Variants in ATRX observed in about 807,000 individuals in gnomAD.
ATRX encodes the protein ATRX chromatin remodeler.
A neutral mutation model predicts 172.6 loss-of-function variants in ATRX; 12 were observed. The observed-to-expected ratio is 0.07, with a 90% CI of 0.04 to 0.11. ATRX has a LOEUF of 0.11. ATRX is among the 10% of genes least tolerant of loss of function. The pLI, the probability that ATRX is intolerant of heterozygous loss-of-function variation, is 1.00. For missense variants in ATRX, 1,368 were observed against 1,767.4 expected, an observed-to-expected ratio of 0.77 and a Z score of 4.05; for synonymous variants, 674 against 594.7, an observed-to-expected ratio of 1.13 and a Z score of -1.94.
At chrX:77,726,923 GT>G (rs1197693729) in intron 1 of ATRX, among the ~76,000 whole-genome samples, 2 of 109,459 alleles carry the variant, frequency 1.8e-5, no homozygotes, top group South Asian at 3.8e-4. Context: ...AAAAAATAGT[GT>G]TTTTTTATCC....
chrX:77,513,261 G>A (rs1246543311), intron 34 of ATRX, among the ~76,000 whole-genome samples: 2 of 95,807 alleles, frequency 2.1e-5, no homozygotes, highest in East Asian at 7.2e-4. Context: ...AGCTTGCAGT[G>A]AGCTGAGATT....
chrX:77,733,585 G>A (rs782661254), intron 1 of ATRX, among the ~76,000 whole-genome samples: 153 of 109,224 alleles, frequency 1.4e-3, no homozygotes, highest in Non-Finnish European at 2.4e-3. Flanking sequence ...ACATGATGCT[G>A]GGGCCAGGCA....
rs782779044 is a variant in ATRX, at chrX:77,766,109, A to C, written c.20+19873T>G. Among the ~76,000 whole-genome samples, 8 of 112,437 alleles carry C rather than the reference A, an allele frequency of 7.1e-5. No homozygotes were observed. In the South Asian group the frequency reaches 2.9e-3, roughly 41 times the overall value. On this transcript the variant is annotated intron_variant, in intron 1 of 34. Coordinates refer to ENST00000373344, the MANE Select transcript of ATRX (RefSeq NM_000489.6). ...TACCTCTTTCTACACAGACACGGCA[A>C]CCATCCGATTTCTCAATCTTTTCCC...
chrX:77,720,694 G>A lies in ATRX; in HGVS notation c.21-3451C>T, dbSNP rs186731455. Among the ~76,000 whole-genome samples the A allele has an allele frequency of 9.0e-5, 10 of 111,533 alleles. No individual in the cohort carries two copies. The South Asian group carries it at 3.3e-3, about 37-fold the overall frequency. On this transcript the variant is annotated intron_variant, in intron 1 of 34. Coordinates refer to ENST00000373344, the MANE Select transcript of ATRX (RefSeq NM_000489.6). ...TTGAGGCAGTAACTAATAGCCTACC[G>A]ATCAAAATAAGTCCAGGACCAGACA...
chrX:77,564,247 A>T (rs2065119560), intron 28 of ATRX, among the ~76,000 whole-genome samples: 1 of 111,889 alleles, frequency 8.9e-6, no homozygotes, highest in African/African-American at 3.3e-5. Context: ...ATTTTAATGA[A>T]GCCCAAATTA....
chrX:77,528,122 C>T (rs1449070383), intron 30 of ATRX, among the ~76,000 whole-genome samples: 1 of 109,967 alleles, frequency 9.1e-6, no homozygotes, highest in African/African-American at 3.3e-5. Flanking sequence ...AGAGTGCAGA[C>T]CACCCAGACA....
chrX:77,523,122 G>A, intron 31 of ATRX, 130 bp downstream of exon 31: 1 of 877,072 alleles, frequency 1.1e-6, no homozygotes. Context: ...AGAGATTCTT[G>A]TAATTGGGGA....
At chrX:77,645,392 G>T (rs1272714707) in intron 15 of ATRX, among the ~76,000 whole-genome samples, 1 of 111,458 alleles carries the variant, frequency 9.0e-6, no homozygotes, top group Non-Finnish European at 1.9e-5. Flanking sequence ...TCCCGCCTCG[G>T]TCTCCCAAAG....
intron 7 of ATRX, among the ~76,000 whole-genome samples, chrX:77,685,754 C>T: frequency 9.0e-6 from 1 of 111,578 alleles, no homozygotes; most frequent in Non-Finnish European, 1.9e-5. Context: ...GATTGTTGGG[C>T]CACTGTTTAC....
At chrX:77,691,444 G>C (rs906536464) in intron 6 of ATRX, among the ~76,000 whole-genome samples, 2 of 111,532 alleles carry the variant, frequency 1.8e-5, no homozygotes, top group African/African-American at 6.5e-5. Flanking sequence ...GAGCTCAATA[G>C]ATTTTAATGG....
chrX:77,762,068 C>T (rs1412275212), intron 1 of ATRX, among the ~76,000 whole-genome samples: 3 of 109,621 alleles, frequency 2.7e-5, no homozygotes, highest in African/African-American at 1.0e-4. Flanking sequence ...TTTGGGAGGC[C>T]GAGGCGGGCA....
At chrX:77,721,661 G>C (rs781966906) in intron 1 of ATRX, among the ~76,000 whole-genome samples, 2 of 111,593 alleles carry the variant, frequency 1.8e-5, no homozygotes, top group African/African-American at 3.3e-5. Context: ...ACTGCTCAAG[G>C]AAATAAGAGA....
intron 6 of ATRX, among the ~76,000 whole-genome samples, chrX:77,691,696 A>G (rs1168307847): frequency 9.0e-6 from 1 of 111,166 alleles, no homozygotes; most frequent in Non-Finnish European, 1.9e-5. Flanking sequence ...GTAATACAAG[A>G]AAGTTTACAT....
At position 77,747,380 on chromosome X, in the gene ATRX, C is replaced by T. The variant is rs782285302; in HGVS notation, c.21-30137G>A. Among the ~76,000 whole-genome samples the T allele has an allele frequency of 3.7e-4, 41 of 109,669 alleles. No individual in the cohort carries two copies. The South Asian group carries it at 0.015, about 39-fold the overall frequency. ...CTCTACTAAAAATACAAAAATCAGC[C>T]GGGTGTGGTGGCACACACCTGTAAT... On this transcript the variant is annotated intron_variant, in intron 1 of 34. Coordinates refer to ENST00000373344, the MANE Select transcript of ATRX (RefSeq NM_000489.6).
intron 1 of ATRX, among the ~76,000 whole-genome samples, chrX:77,766,709 C>T (rs1312541831): frequency 2.9e-5 from 3 of 104,321 alleles, no homozygotes; most frequent in South Asian, 4.5e-4. Flanking sequence ...GGATGGCGGC[C>T]GGGCAGAGAC....
intron 27 of ATRX, among the ~76,000 whole-genome samples, chrX:77,580,880 T>C: frequency 8.9e-6 from 1 of 112,309 alleles, no homozygotes; most frequent in East Asian, 2.8e-4. Flanking sequence ...CAATAAGATA[T>C]AAACAGAAAC....
Position 77,758,495 on chromosome X carries a change from C to A in ATRX, c.20+27487G>T, listed in dbSNP as rs782226293. On this transcript the variant is annotated intron_variant, in intron 1 of 34. Coordinates refer to ENST00000373344, the MANE Select transcript of ATRX (RefSeq NM_000489.6). ...TGCTCGCCGGGCACGGTGGCTCACACCTGTAATCCCAGCACTTTGGGAGGC... is the reference window on the plus strand; with the variant it reads ...TGCTCGCCGGGCACGGTGGCTCACAACTGTAATCCCAGCACTTTGGGAGGC... Among the ~76,000 whole-genome samples, 27 of 109,468 alleles carry A rather than the reference C, an allele frequency of 2.5e-4. No individual in the cohort carries two copies. In the East Asian group the frequency reaches 7.4e-3, roughly 30 times the overall value.
intron 15 of ATRX, among the ~76,000 whole-genome samples, chrX:77,645,752 T>A (rs782700862): frequency 1.8e-5 from 2 of 112,437 alleles, no homozygotes; most frequent in South Asian, 7.3e-4. Flanking sequence ...TATGAATATA[T>A]GTTACCATTC....
chrX:77,655,102 G>A (rs1266657017), intron 13 of ATRX, among the ~76,000 whole-genome samples: 1 of 111,075 alleles, frequency 9.0e-6, no homozygotes, highest in African/African-American at 3.3e-5. Context: ...CATAGAGACA[G>A]AAAATAGAAT....
Sources: allele counts gnomAD v4.1 joint callset (sites outside exome capture counted in the v4.1 genomes callset), GRCh38; gene constraint gnomAD v4.1.1; transcripts MANE v1.5; gene names NCBI Gene and HGNC (gene_info 2026-07-23, HGNC 2026-07-21).